The following RSRC1 variants were observed in gnomAD, a reference collection of about 807,000 sequenced individuals.
The protein encoded by RSRC1 is arginine and serine rich coiled-coil 1, also known as serine/Arginine-related protein 53.
In RSRC1, 39 loss-of-function variants were observed where a neutral mutation model predicts 49.1. That is an observed-to-expected ratio of 0.79 (90% CI 0.61 to 1.04). The LOEUF (loss-of-function observed/expected upper bound fraction) is 1.04. Ranked by LOEUF, RSRC1 falls within the 50% of genes least tolerant of loss-of-function variation. RSRC1 has a pLI of 0.00. For synonymous variants in RSRC1, 143 were observed against 130.8 expected (o/e 1.09, Z -0.63); for missense variants, 388 against 402.4 (o/e 0.96, Z 0.31).
intron 4 of RSRC1, among the ~76,000 whole-genome samples, chr3:158,211,532 T>C (rs1290440744): frequency 6.6e-6 from 1 of 151,920 alleles, no homozygotes; most frequent in East Asian, 1.9e-4. Context: ...CAAAATTCAT[T>C]TGCCTGTTTA....
chr3:158,232,871 A>G (rs1383901415), intron 4 of RSRC1, among the ~76,000 whole-genome samples: 1 of 152,092 alleles, frequency 6.6e-6, no homozygotes, highest in Admixed American at 6.6e-5. Context: ...TACTTATATG[A>G]CATGTTTTTA....
At chr3:158,184,300 C>T in intron 3 of RSRC1, among the ~76,000 whole-genome samples, 1 of 151,230 alleles carries the variant, frequency 6.6e-6, no homozygotes, top group East Asian at 1.9e-4. Flanking sequence ...AAAAACAAAA[C>T]CTAGAATTAT....
At chr3:158,152,537 AG>A (rs1210858431) in intron 3 of RSRC1, among the ~76,000 whole-genome samples, 1 of 152,200 alleles carries the variant, frequency 6.6e-6, no homozygotes, top group African/African-American at 2.4e-5. Flanking sequence ...AAATAATAAA[AG>A]CTGTACCAAT....
At chr3:158,177,558 C>G (rs538720595) in intron 3 of RSRC1, among the ~76,000 whole-genome samples, 1 of 151,432 alleles carries the variant, frequency 6.6e-6, no homozygotes, top group South Asian at 2.1e-4. Flanking sequence ...AACCAAACAC[C>G]GTATATTCTC....
chr3:158,408,145 T>G (rs565225294), intron 6 of RSRC1, among the ~76,000 whole-genome samples: 40 of 152,202 alleles, frequency 2.6e-4, no homozygotes, highest in Non-Finnish European at 5.4e-4. Context: ...CCAGACACTT[T>G]TCCCCATACT....
intron 4 of RSRC1, among the ~76,000 whole-genome samples, chr3:158,284,732 A>T (rs909983326): frequency 1.3e-5 from 2 of 151,678 alleles, no homozygotes; most frequent in African/African-American, 4.9e-5. Flanking sequence ...CCACTTTTTG[A>T]TGGGGTTGTT....
At chr3:158,202,966 C>A in intron 3 of RSRC1, 106 bp from the exon 4 acceptor site, 2 of 795,860 alleles carry the variant, frequency 2.5e-6, no homozygotes, top group African/African-American at 1.7e-5. Context: ...ATTTCTGAGT[C>A]CACAACTAAA....
chr3:158,397,657 A>G (rs528678318), intron 6 of RSRC1, among the ~76,000 whole-genome samples: 1 of 152,280 alleles, frequency 6.6e-6, no homozygotes, highest in African/African-American at 2.4e-5. Flanking sequence ...TAATAATGGA[A>G]ATAGTAAAAT....
chr3:158,501,093 T>G (rs1739571388), intron 7 of RSRC1, among the ~76,000 whole-genome samples: 1 of 152,212 alleles, frequency 6.6e-6, no homozygotes, highest in Non-Finnish European at 1.5e-5. Context: ...ATTTTTAAAT[T>G]CCTATCTTGA....
chr3:158,307,598 TATC>T (rs1467768737), intron 5 of RSRC1, among the ~76,000 whole-genome samples: 1 of 151,852 alleles, frequency 6.6e-6, no homozygotes, highest in African/African-American at 2.4e-5. Flanking sequence ...AATATTATGA[TATC>T]AGCTCAGAAA....
chr3:158,447,587 G>C (rs929747219), intron 6 of RSRC1, among the ~76,000 whole-genome samples: 2 of 151,808 alleles, frequency 1.3e-5, no homozygotes, highest in African/African-American at 4.8e-5. Flanking sequence ...TCACTTCTTT[G>C]GTATGTAATC....
chr3:158,439,359 G>A (rs1736245676), intron 6 of RSRC1, among the ~76,000 whole-genome samples: 2 of 152,222 alleles, frequency 1.3e-5, no homozygotes, highest in South Asian at 2.1e-4. Flanking sequence ...AAAGACACAT[G>A]CACACATGTG....
intron 5 of RSRC1, among the ~76,000 whole-genome samples, chr3:158,318,649 C>T (rs1250030131): frequency 1.3e-5 from 2 of 152,198 alleles, no homozygotes; most frequent in Non-Finnish European, 2.9e-5. Context: ...TCCCATAACA[C>T]TGTTGATCCC....
chr3:158,311,466 C>A lies in RSRC1; in HGVS notation c.531+13391C>A, dbSNP rs543717767. ...AAAAATTAATATTTTTATTTCCTTT[C>A]ATCTATTTCATTTTTTCCTTGAAAT... On this transcript the variant is annotated intron_variant, in intron 5 of 9. Coordinates refer to ENST00000611884, the MANE Select transcript of RSRC1 (RefSeq NM_001271838.2). Among the ~76,000 whole-genome samples, 196 of 151,886 alleles carry A rather than the reference C, an allele frequency of 1.3e-3. 1 individual carries two copies. Among genetic ancestry groups the A allele is most frequent in the Non-Finnish European group, 2.0e-3 (134 of 67,852 alleles).
intron 1 of RSRC1, among the ~76,000 whole-genome samples, chr3:158,111,720 T>G (rs1714421775): frequency 6.6e-6 from 1 of 152,248 alleles, no homozygotes; most frequent in Non-Finnish European, 1.5e-5. Flanking sequence ...TCTGGCCATG[T>G]GTCCAGAATC....
At chr3:158,247,436 A>C (rs1413354429) in intron 4 of RSRC1, among the ~76,000 whole-genome samples, 1 of 152,164 alleles carries the variant, frequency 6.6e-6, no homozygotes, top group African/African-American at 2.4e-5. Context: ...CATTTGGAGA[A>C]AACGGCAATC....
intron 7 of RSRC1, among the ~76,000 whole-genome samples, chr3:158,481,149 A>G (rs1422622294): frequency 6.6e-6 from 1 of 151,904 alleles, no homozygotes; most frequent in Admixed American, 6.6e-5. Context: ...TTGTCATGTG[A>G]CTCAGCCCCA....
chr3:158,348,823 A>T (rs1035505222), intron 5 of RSRC1, among the ~76,000 whole-genome samples: 1 of 152,122 alleles, frequency 6.6e-6, no homozygotes, highest in Non-Finnish European at 1.5e-5. Context: ...TTTCACTTAT[A>T]ACTGAGAACA....
chr3:158,464,266 G>T (rs1379024476), intron 7 of RSRC1, among the ~76,000 whole-genome samples: 1 of 151,930 alleles, frequency 6.6e-6, no homozygotes, highest in Admixed American at 6.6e-5. Flanking sequence ...TATTTAATTT[G>T]GTATGCATTT....
Sources: allele counts gnomAD v4.1 joint callset (sites outside exome capture counted in the v4.1 genomes callset), GRCh38; gene constraint gnomAD v4.1.1; transcripts MANE v1.5; gene names NCBI Gene and HGNC (gene_info 2026-07-23, HGNC 2026-07-21).